TMLHE: variants seen among roughly 807,000 people sequenced by gnomAD.
The protein encoded by TMLHE is trimethyllysine hydroxylase, epsilon.
A neutral mutation model predicts 25.7 loss-of-function variants in TMLHE; 18 were observed. That is an observed-to-expected ratio of 0.70 (90% CI 0.48 to 1.04). The LOEUF (loss-of-function observed/expected upper bound fraction) is 1.04. TMLHE is among the 50% of genes least tolerant of loss of function. The pLI is 0.00. For missense variants in TMLHE, 236 were observed against 259.0 expected (o/e 0.91, Z 0.61); for synonymous variants, 105 against 97.0 (o/e 1.08, Z -0.49).
intron 1 of TMLHE, among the ~76,000 whole-genome samples, chrX:155,602,165 C>A (rs1467597572): frequency 9.0e-6 from 1 of 111,098 alleles, no homozygotes; most frequent in African/African-American, 3.3e-5. Context: ...ATCAAATCCA[C>A]CAGTATTTCA....
At chrX:155,561,011 G>C (rs1427368638) in intron 1 of TMLHE, among the ~76,000 whole-genome samples, 2 of 61,178 alleles carry the variant, frequency 3.3e-5, no homozygotes, top group Admixed American at 3.9e-4. Flanking sequence ...AGAAATGATA[G>C]TGACTTAGAC....
intron 1 of TMLHE, among the ~76,000 whole-genome samples, chrX:155,569,984 A>G (rs1254369691): frequency 1.8e-5 from 1 of 55,776 alleles, no homozygotes; most frequent in Admixed American, 2.1e-4. Flanking sequence ...CACACACAAC[A>G]ATATTAACTT....
chrX:155,547,102 T>C (rs1313209519), intron 1 of TMLHE, among the ~76,000 whole-genome samples: 3 of 111,441 alleles, frequency 2.7e-5, no homozygotes, highest in Non-Finnish European at 5.7e-5. Flanking sequence ...CTCTTAAGTA[T>C]ATTCACTCAC....
chrX:155,594,504 A>T (rs185392554), intron 1 of TMLHE, among the ~76,000 whole-genome samples: 343 of 112,489 alleles, frequency 3.0e-3, no homozygotes, highest in African/African-American at 0.011. Flanking sequence ...AAGCTAAAAC[A>T]GAAGGCCACT....
chrX:155,524,628 C>T lies in TMLHE; in HGVS notation c.186G>A (p.Leu62=), dbSNP rs1439130040. ...AGCGCATCACGGTATTAGCATATTT[C>T]AGCTCTAGGGAAAAGATCACATTTA... is the stretch of plus-strand genomic sequence containing the variant. ...AWQQHEDHFE[L]KYANTVMRFD... is the part of the protein sequence containing the mutation. The change falls in exon 3 of 8, where the codon CTG becomes CTA. Residue 62 remains leucine, a synonymous_variant. Coordinates refer to ENST00000334398, the MANE Select transcript of TMLHE (RefSeq NM_018196.4). 3 of 1,170,519 alleles carry T rather than the reference C, an allele frequency of 2.6e-6. No homozygotes were observed. The highest frequency in any genetic ancestry group is 3.4e-6 in the Non-Finnish European group (3 of 874,575).
chrX:155,585,721 A>G (rs979012001), intron 1 of TMLHE, among the ~76,000 whole-genome samples: 13 of 111,595 alleles, frequency 1.2e-4, no homozygotes, highest in African/African-American at 4.2e-4. Context: ...AAATGGACCT[A>G]ACAGATATTA....
At chrX:155,537,291 C>A (rs782659423) in intron 2 of TMLHE, among the ~76,000 whole-genome samples, 3 of 110,875 alleles carry the variant, frequency 2.7e-5, no homozygotes, top group African/African-American at 9.8e-5. Flanking sequence ...ACTTTTTCTC[C>A]CTCCTTCCTC....
intron 5 of TMLHE, among the ~76,000 whole-genome samples, chrX:155,508,201 A>G (rs1043097559): frequency 2.7e-5 from 3 of 111,421 alleles, no homozygotes; most frequent in Non-Finnish European, 3.8e-5. Flanking sequence ...GTGACTATTA[A>G]TTGACTGGAA....
At chrX:155,511,570 G>C in intron 5 of TMLHE, 103 bp downstream of exon 5, 3 of 800,153 alleles carry the variant, frequency 3.7e-6, no homozygotes, top group Non-Finnish European at 5.1e-6. Context: ...AAATCTGCAG[G>C]AGCAGATATG....
intron 1 of TMLHE, among the ~76,000 whole-genome samples, chrX:155,549,208 G>C (rs1230289810): frequency 9.0e-6 from 1 of 110,710 alleles, no homozygotes; most frequent in African/African-American, 3.3e-5. Flanking sequence ...ATCTTCTTTT[G>C]CAAACTTTAT....
At chrX:155,548,453 AGGCTGGGCACGGT>A (rs1297466509) in intron 1 of TMLHE, among the ~76,000 whole-genome samples, 1 of 110,710 alleles carries the variant, frequency 9.0e-6, no homozygotes, top group Non-Finnish European at 1.9e-5. Context: ...GACATCCTAC[AGGCTGGGCACGGT>A]GGCTCATGCC....
intron 1 of TMLHE, among the ~76,000 whole-genome samples, chrX:155,563,625 T>C (rs1454498619): frequency 1.6e-5 from 1 of 61,810 alleles, no homozygotes; most frequent in Non-Finnish European, 4.5e-5. Flanking sequence ...AAATTTGAGA[T>C]GTCTATTAGA....
At chrX:155,515,849 G>A (rs1557334814) in intron 3 of TMLHE, among the ~76,000 whole-genome samples, 1 of 110,121 alleles carries the variant, frequency 9.1e-6, no homozygotes, top group Non-Finnish European at 1.9e-5. Context: ...TGCTGTCCAT[G>A]TTGTTACATA....
rs1225890520 is a variant in TMLHE at position 155,582,389 on chromosome X, C to G, written c.-2+30403G>C. Among the ~76,000 whole-genome samples the G allele has an allele frequency of 1.3e-4, 15 of 111,889 alleles. No individual in the cohort carries two copies. In the Admixed American group the frequency reaches 1.4e-3, roughly 11 times the overall value. On this transcript the variant is annotated intron_variant, in intron 1 of 7. Transcript: ENST00000334398. ...ACTACCATCAGAGTGAACAGACAAC[C>G]TACAGAATGGGAGAAAATTTTTGCA...
chrX:155,592,944 C>G (rs1348051434), intron 1 of TMLHE, among the ~76,000 whole-genome samples: 7 of 111,991 alleles, frequency 6.3e-5, no homozygotes, highest in Non-Finnish European at 1.3e-4. Context: ...GAGAGAGTTG[C>G]CCATCACAGC....
rs1406172847 is a variant in TMLHE at position 155,560,727 on chromosome X, G to A, written c.-1-15450C>T. Among the ~76,000 whole-genome samples the A allele has an allele frequency of 7.1e-5, 4 of 56,196 alleles. 2 individuals carry two copies. Among genetic ancestry groups the A allele is most frequent in the Non-Finnish European group, 2.1e-4 (4 of 18,791 alleles). The allele number at this position is 56,196 out of a possible 115,157, so 48.8% of individuals were successfully genotyped here. On this transcript the variant is annotated intron_variant, in intron 1 of 7. Coordinates refer to ENST00000334398, the MANE Select transcript of TMLHE (RefSeq NM_018196.4). ...GTAGCTGGAGCTCACTAAGCAAGAA[G>A]TAAAATAATAGATGAAGTGAGAAAG...
intron 2 of TMLHE, among the ~76,000 whole-genome samples, chrX:155,529,624 C>T (rs992334604): frequency 3.6e-5 from 4 of 111,353 alleles, no homozygotes; most frequent in African/African-American, 9.8e-5. Flanking sequence ...TTTTCATATA[C>T]GTGTTGGTCA....
chrX:155,546,028 G>A (rs1013118707), intron 1 of TMLHE, among the ~76,000 whole-genome samples: 6 of 109,869 alleles, frequency 5.5e-5, no homozygotes, highest in Non-Finnish European at 9.5e-5. Flanking sequence ...CCCCTATTCC[G>A]ACTATGTGAA....
At chrX:155,536,542 T>C (rs782142326) in intron 2 of TMLHE, among the ~76,000 whole-genome samples, 12 of 111,763 alleles carry the variant, frequency 1.1e-4, no homozygotes, top group Admixed American at 1.9e-4. Flanking sequence ...TTGGTATGCT[T>C]ACTGTCCTTT....
Sources: gnomAD v4.1 joint callset for allele counts (sites outside exome capture counted in the v4.1 genomes callset) on GRCh38, gnomAD v4.1.1 for gene constraint, MANE v1.5 for transcripts, NCBI Gene and HGNC (gene_info 2026-07-23, HGNC 2026-07-21) for gene names.